The following DSCAM variants were observed in gnomAD, a reference collection of about 807,000 sequenced individuals.
DSCAM encodes the protein DS cell adhesion molecule.
DSCAM carries 47 observed loss-of-function variants against 217.7 expected under a neutral mutation model. The ratio of observed to expected loss-of-function variants is 0.22; its 90% confidence interval spans 0.17 to 0.28. The LOEUF (loss-of-function observed/expected upper bound fraction) is 0.28, where lower values mean the gene tolerates loss of function less well. Among genes scored for constraint, DSCAM ranks in the 10% least tolerant of loss-of-function variants. The pLI is 1.00. For missense variants in DSCAM, 2,080 were observed against 2,618.3 expected (o/e 0.79, Z 4.49); for synonymous variants, 1,056 against 1,015.3 (o/e 1.04, Z -0.76).
At chr21:40,828,025 C>T (rs557654425) in intron 1 of DSCAM, among the ~76,000 whole-genome samples, 13 of 152,174 alleles carry the variant, frequency 8.5e-5, no homozygotes, top group Admixed American at 3.9e-4. Flanking sequence ...GTTGTTAGTA[C>T]GTTTTACAGT....
chr21:40,179,060 A>G lies in DSCAM; in HGVS notation c.2814T>C (p.Val938=). The part of the protein sequence containing the change: ...SWDSAQRTKD[V]SPQLNSATII... ...TGGTGGCCGAGTTCAGCTGAGGGGAAACATCTTTGGTTCTCTGAGCAGAAT... is the reference window on the plus strand; with the variant it reads ...TGGTGGCCGAGTTCAGCTGAGGGGAGACATCTTTGGTTCTCTGAGCAGAAT... The change falls in exon 15 of 33, where the codon GTT becomes GTC. Residue 938 remains valine (V), a synonymous_variant. Coordinates refer to ENST00000400454, the MANE Select transcript of DSCAM (RefSeq NM_001389.5). 9 of 1,613,978 alleles carry G rather than the reference A, an allele frequency of 5.6e-6. No individual in the cohort carries two copies. Among genetic ancestry groups the G allele is most frequent in the Non-Finnish European group, 7.6e-6 (9 of 1,179,998 alleles).
rs563016656 is a variant in DSCAM at position 40,363,438 on chromosome 21, A to C, written c.655+5661T>G. ...TGGGTAATTTTTGTATTTTTAGTAG[A>C]GATGGGGTTTCATCATGTTAGCCAG... On this transcript the variant is annotated intron_variant, in intron 4 of 32. Coordinates refer to ENST00000400454, the MANE Select transcript of DSCAM (RefSeq NM_001389.5). Among the ~76,000 whole-genome samples the C allele has an allele frequency of 1.9e-3, 293 of 151,858 alleles. 3 individuals carry two copies. The highest frequency in any genetic ancestry group is 7.0e-3 in the African/African-American group (289 of 41,430).
intron 3 of DSCAM, among the ~76,000 whole-genome samples, chr21:40,596,598 A>C (rs181682552): frequency 9.9e-4 from 151 of 152,318 alleles, no homozygotes; most frequent in African/African-American, 3.3e-3. Context: ...AAATATCTTA[A>C]AAACAAGAAC....
chr21:40,342,547 GC>G (rs1487184661), intron 6 of DSCAM, among the ~76,000 whole-genome samples: 1 of 147,714 alleles, frequency 6.8e-6, no homozygotes, highest in Admixed American at 6.8e-5. Flanking sequence ...TCATTTTTTT[GC>G]CATACATTTA....
chr21:40,780,423 G>GTGTATATATATCTATATATC lies in DSCAM; in HGVS notation c.43+66195_43+66196insGATATATAGATATATATACA, dbSNP rs1007015659. On this transcript the variant is annotated intron_variant, in intron 1 of 32. Transcript: ENST00000400454. ...CGTGTGTGTGTGTGTGTGTGTGTGT[G>GTGTATATATATCTATATATC]TATATATATATATATATATATATAT... is the stretch of plus-strand genomic sequence containing the variant. 6.2e-4 allele frequency among the ~76,000 whole-genome samples: 35 copies of GTGTATATATATCTATATATC among 56,414 alleles called. No homozygotes were observed. The South Asian group carries it at 0.022, about 35-fold the overall frequency. The allele number at this position is 56,414 out of a possible 152,430, so 37.0% of individuals were successfully genotyped here.
intron 3 of DSCAM, among the ~76,000 whole-genome samples, chr21:40,596,535 C>T (rs935399942): frequency 6.6e-6 from 1 of 152,146 alleles, no homozygotes; most frequent in African/African-American, 2.4e-5. Context: ...ACCAAAAGTT[C>T]TTTCTTAATT....
At chr21:40,659,072 G>A (rs2090107817) in intron 3 of DSCAM, among the ~76,000 whole-genome samples, 1 of 152,058 alleles carries the variant, frequency 6.6e-6, no homozygotes, top group Non-Finnish European at 1.5e-5. Flanking sequence ...GCAGGGCTCA[G>A]CAACATACAG....
intron 1 of DSCAM, among the ~76,000 whole-genome samples, chr21:40,833,658 A>G (rs73227937): frequency 0.028 from 4,326 of 152,332 alleles, 97 homozygotes; most frequent in Non-Finnish European, 0.042. Context: ...AATAGCAAAT[A>G]AAGTTAATCA....
At chr21:40,218,276 C>A (rs1470339083) in intron 11 of DSCAM, among the ~76,000 whole-genome samples, 1 of 152,108 alleles carries the variant, frequency 6.6e-6, no homozygotes, top group African/African-American at 2.4e-5. Context: ...TTGTTTTTGT[C>A]AGCTTTATCA....
At chr21:40,176,873 G>T (rs1164986656) in intron 15 of DSCAM, among the ~76,000 whole-genome samples, 1 of 152,230 alleles carries the variant, frequency 6.6e-6, no homozygotes, top group Non-Finnish European at 1.5e-5. Flanking sequence ...CTTCTGGCAG[G>T]GAGAGAGCTG....
At chr21:40,761,391 C>T (rs76996245) in intron 1 of DSCAM, among the ~76,000 whole-genome samples, 5,626 of 151,824 alleles carry the variant, frequency 0.037, 347 homozygotes, top group African/African-American at 0.13. Context: ...CTCTCCCTCC[C>T]GCCCTCCCTC....
chr21:40,659,586 T>C (rs529440143), intron 3 of DSCAM, among the ~76,000 whole-genome samples: 4 of 152,346 alleles, frequency 2.6e-5, no homozygotes, highest in African/African-American at 7.2e-5. Flanking sequence ...CTATCTTTCA[T>C]CTATCTGCCT....
chr21:40,594,613 T>C (rs1276883323), intron 3 of DSCAM, among the ~76,000 whole-genome samples: 1 of 152,184 alleles, frequency 6.6e-6, no homozygotes, highest in African/African-American at 2.4e-5. Flanking sequence ...GAGATAATGT[T>C]GGGATGATGG....
chr21:40,429,038 A>G (rs543280749), intron 3 of DSCAM, among the ~76,000 whole-genome samples: 145 of 152,260 alleles, frequency 9.5e-4, no homozygotes, highest in African/African-American at 3.2e-3. Context: ...TGAGCTTGCT[A>G]GGCAAGGGAG....
chr21:40,143,780 G>T (rs1324644025), intron 17 of DSCAM, among the ~76,000 whole-genome samples: 2 of 152,146 alleles, frequency 1.3e-5, no homozygotes, highest in African/African-American at 4.8e-5. Flanking sequence ...GAGAGAGCCG[G>T]ACTCCGTCTC....
chr21:40,334,942 C>T (rs2074414943), intron 8 of DSCAM, among the ~76,000 whole-genome samples: 1 of 152,042 alleles, frequency 6.6e-6, no homozygotes, highest in African/African-American at 2.4e-5. Flanking sequence ...AGTAAGTCCC[C>T]CGTGAAAAGG....
chr21:40,278,425 A>C (rs959652718), intron 10 of DSCAM, among the ~76,000 whole-genome samples: 2 of 152,160 alleles, frequency 1.3e-5, no homozygotes, highest in African/African-American at 4.8e-5. Context: ...ACAAAATAGC[A>C]TGATTGTGTT....
Position 40,787,846 on chromosome 21 carries a change from ATCT to A in DSCAM, c.43+58770_43+58772del, listed in dbSNP as rs908316261. Reference sequence around the variant, plus strand: ...GGGAAAAAATGACACTATGACATTAATCTTCTCCACTCCTCCCCCAATTGTATA... The same window carrying A: ...GGGAAAAAATGACACTATGACATTAATCTCCACTCCTCCCCCAATTGTATA... On this transcript the variant is annotated intron_variant, in intron 1 of 32. Transcript: ENST00000400454. Among the ~76,000 whole-genome samples the A allele has an allele frequency of 3.2e-4, 48 of 152,332 alleles. 1 individual carries two copies. The highest frequency in any genetic ancestry group is 1.2e-3 in the African/African-American group (48 of 41,576).
intron 1 of DSCAM, among the ~76,000 whole-genome samples, chr21:40,727,619 G>A (rs1353605898): frequency 6.6e-6 from 1 of 152,000 alleles, no homozygotes; most frequent in Non-Finnish European, 1.5e-5. Flanking sequence ...CATCTCCTCT[G>A]CCACTCCCTG....
Sources: gnomAD v4.1 joint callset for allele counts (sites outside exome capture counted in the v4.1 genomes callset) on GRCh38, gnomAD v4.1.1 for gene constraint, MANE v1.5 for transcripts, NCBI Gene and HGNC (gene_info 2026-07-23, HGNC 2026-07-21) for gene names.